The following ARNT2 variants were observed in gnomAD, a reference collection of about 807,000 sequenced individuals.
ARNT2 encodes the protein aryl hydrocarbon receptor nuclear translocator 2.
A neutral mutation model predicts 91.7 loss-of-function variants in ARNT2; 36 were observed. The observed-to-expected ratio is 0.39, with a 90% CI of 0.30 to 0.52. ARNT2 has a LOEUF of 0.52. ARNT2 is among the 20% of genes least tolerant of loss of function. The probability of loss-of-function intolerance (pLI) is 0.72; values close to 1 mark genes in which losing one functional copy is unlikely to be tolerated. For synonymous variants in ARNT2, 365 were observed against 347.1 expected (o/e 1.05, Z -0.57); for missense variants, 775 against 939.3 (o/e 0.83, Z 2.29).
chr15:80,581,962 G>A (rs1483267734), intron 17 of ARNT2, among the ~76,000 whole-genome samples: 1 of 152,194 alleles, frequency 6.6e-6, no homozygotes, highest in Non-Finnish European at 1.5e-5. Flanking sequence ...CAGGGCTAGG[G>A]TTCCACTCCA....
chr15:80,452,727 C>T (rs1240667915), intron 2 of ARNT2, among the ~76,000 whole-genome samples: 1 of 152,154 alleles, frequency 6.6e-6, no homozygotes, highest in Non-Finnish European at 1.5e-5. Flanking sequence ...CAGCCTAGTA[C>T]TTACAGGACC....
At chr15:80,568,082 G>T (rs1464596471) in intron 12 of ARNT2, among the ~76,000 whole-genome samples, 2 of 152,150 alleles carry the variant, frequency 1.3e-5, no homozygotes, top group African/African-American at 4.8e-5. Flanking sequence ...GAACATTTGT[G>T]TAAAGCCACT....
rs1414709195 is a variant in ARNT2 at position 80,592,708 on chromosome 15, T to C, written c.2056-892T>C. 2.6e-5 allele frequency among the ~76,000 whole-genome samples: 4 copies of C among 152,232 alleles called. No individual in the cohort carries two copies. In the East Asian group the frequency reaches 7.7e-4, roughly 29 times the overall value. On this transcript the variant is annotated intron_variant, in intron 18 of 18. Transcript: ENST00000303329. ...CAGGCCTTCGCCTGCCTCCCCTGAC[T>C]GCAGCCATCTCCTCCTTCCTCCTTC... is the stretch of plus-strand genomic sequence containing the variant.
In ARNT2 at chr15:80,597,549, C is replaced by T. The variant is rs889658059; in HGVS notation, c.*3851C>T. The stretch of plus-strand genomic sequence containing the variant: ...ACAGTGGTGCAGGCACATTTCCAAG[C>T]GTAGGTGTCCCTGGCTTTTGTGGCC... On this transcript the variant is annotated 3_prime_UTR_variant, in exon 19 of 19. Coordinates refer to ENST00000303329, the MANE Select transcript of ARNT2 (RefSeq NM_014862.4). 2.5e-5 allele frequency: 6 copies of T among 236,174 alleles called. No homozygotes were observed. The highest frequency in any genetic ancestry group is 4.5e-5 in the African/African-American group (2 of 44,054). The allele number at this position is 236,174 out of a possible 1,614,324, so 14.6% of individuals were successfully genotyped here.
chr15:80,553,011 T>A (rs1443749772), intron 10 of ARNT2, among the ~76,000 whole-genome samples: 1 of 152,204 alleles, frequency 6.6e-6, no homozygotes, highest in South Asian at 2.1e-4. Context: ...GTTTCTCTAG[T>A]TGATTTTTCA....
At chr15:80,411,919 A>G (rs1895685633) in intron 1 of ARNT2, among the ~76,000 whole-genome samples, 1 of 152,168 alleles carries the variant, frequency 6.6e-6, no homozygotes, top group Admixed American at 6.5e-5. Context: ...GGGAAGTGGG[A>G]TCCTCCCATT....
intron 5 of ARNT2, among the ~76,000 whole-genome samples, chr15:80,505,056 G>A (rs1020572803): frequency 7.2e-5 from 11 of 152,286 alleles, no homozygotes; most frequent in South Asian, 2.1e-4. Flanking sequence ...GGAGTGTGAC[G>A]CGATCATTTG....
intron 5 of ARNT2, among the ~76,000 whole-genome samples, chr15:80,497,276 A>G (rs1024435601): frequency 5.2e-5 from 8 of 152,382 alleles, no homozygotes; most frequent in East Asian, 3.9e-4. Flanking sequence ...AGAAAATTGT[A>G]TCTGGCTCAT....
At chr15:80,450,774 T>C in intron 1 of ARNT2, 106 bp from the exon 2 acceptor site, 1 of 1,109,500 alleles carries the variant, frequency 9.0e-7, no homozygotes, top group South Asian at 1.2e-5. Flanking sequence ...TGCAGGTCCC[T>C]GGGCTCTCTG....
chr15:80,485,519 A>G (rs558592279), intron 5 of ARNT2, among the ~76,000 whole-genome samples: 69 of 152,312 alleles, frequency 4.5e-4, no homozygotes, highest in Non-Finnish European at 9.0e-4. Flanking sequence ...CATCTAACAC[A>G]CTGTGGTAGG....
intron 17 of ARNT2, among the ~76,000 whole-genome samples, chr15:80,587,395 CCT>C (rs1893193190): frequency 6.6e-6 from 1 of 151,686 alleles, no homozygotes; most frequent in African/African-American, 2.4e-5. Flanking sequence ...CAAATGTCCC[CCT>C]TGGTTTGGTG....
At chr15:80,511,961 G>A (rs1440921981) in intron 6 of ARNT2, among the ~76,000 whole-genome samples, 2 of 152,174 alleles carry the variant, frequency 1.3e-5, no homozygotes, top group African/African-American at 2.4e-5. Flanking sequence ...AGGAGATATG[G>A]CATGTAGGAT....
chr15:80,515,973 G>A (rs953576352), intron 8 of ARNT2, among the ~76,000 whole-genome samples: 3 of 150,972 alleles, frequency 2.0e-5, no homozygotes, highest in South Asian at 4.2e-4. Flanking sequence ...GGGTTCAAGC[G>A]ATTCTCCTGC....
chr15:80,443,379 A>G (rs962076090), intron 1 of ARNT2, among the ~76,000 whole-genome samples: 2 of 152,194 alleles, frequency 1.3e-5, no homozygotes, highest in Admixed American at 6.5e-5. Flanking sequence ...AGACAGAGGC[A>G]AGGGCTGGCC....
intron 11 of ARNT2, among the ~76,000 whole-genome samples, chr15:80,559,743 C>A (rs900933941): frequency 2.0e-5 from 3 of 152,166 alleles, no homozygotes; most frequent in African/African-American, 7.2e-5. Flanking sequence ...AAAGCAGCCT[C>A]CCATCTCCCC....
At chr15:80,499,455 G>A (rs564714543) in intron 5 of ARNT2, among the ~76,000 whole-genome samples, 3 of 152,336 alleles carry the variant, frequency 2.0e-5, no homozygotes, top group East Asian at 1.9e-4. Flanking sequence ...TTGGTTGCAG[G>A]TGACAGAACC....
At chr15:80,432,925 C>T (rs555065401) in intron 1 of ARNT2, among the ~76,000 whole-genome samples, 1 of 152,216 alleles carries the variant, frequency 6.6e-6, no homozygotes, top group African/African-American at 2.4e-5. Flanking sequence ...AAAATAACAC[C>T]TTAACTGCTT....
At chr15:80,406,415 A>G (rs1306701383) in intron 1 of ARNT2, among the ~76,000 whole-genome samples, 1 of 152,270 alleles carries the variant, frequency 6.6e-6, no homozygotes, top group African/African-American at 2.4e-5. Flanking sequence ...TGGAAAATTG[A>G]TAGATGTAAA....
intron 17 of ARNT2, among the ~76,000 whole-genome samples, chr15:80,590,490 C>T (rs1320168458): frequency 2.0e-5 from 3 of 152,192 alleles, no homozygotes; most frequent in Non-Finnish European, 4.4e-5. Context: ...CTCATCCCAG[C>T]ACTTTGGGAG....
Sources: allele counts gnomAD v4.1 joint callset (sites outside exome capture counted in the v4.1 genomes callset), GRCh38; gene constraint gnomAD v4.1.1; transcripts MANE v1.5; gene names NCBI Gene and HGNC (gene_info 2026-07-23, HGNC 2026-07-21).